The following IL1RAPL1 variants were observed in gnomAD, a reference collection of about 807,000 sequenced individuals.
IL1RAPL1 encodes the protein interleukin-1 receptor accessory protein-like 1.
Under a neutral mutation model 48.4 loss-of-function variants are expected in IL1RAPL1, and 3 were observed. The ratio of observed to expected loss-of-function variants is 0.06; its 90% confidence interval spans 0.03 to 0.16. The LOEUF (loss-of-function observed/expected upper bound fraction) is 0.16, where lower values mean the gene tolerates loss of function less well. IL1RAPL1 is among the 10% of genes least tolerant of loss of function. The pLI is 1.00. For synonymous variants in IL1RAPL1, 185 were observed against 187.7 expected, an observed-to-expected ratio of 0.99 and a Z score of 0.12; for missense variants, 349 against 530.6, an observed-to-expected ratio of 0.66 and a Z score of 3.36.
rs1350122540 is a variant in IL1RAPL1 at position 29,715,115 on chromosome X, A to C, written c.778+46611A>C. On this transcript the variant is annotated intron_variant, in intron 6 of 10. Transcript: ENST00000378993. ...TTTGTTAGAAAATTTCTTCATTGCC[A>C]GCTATTGGTACCCTGCTCAGATGTT... Among the ~76,000 whole-genome samples, 3 of 111,481 alleles carry C rather than the reference A, an allele frequency of 2.7e-5. No homozygotes were observed. In the East Asian group the frequency reaches 8.4e-4, roughly 31 times the overall value.
intron 6 of IL1RAPL1, among the ~76,000 whole-genome samples, chrX:29,849,880 C>A (rs186602929): frequency 1.4e-3 from 157 of 111,817 alleles, no homozygotes; most frequent in African/African-American, 4.7e-3. Context: ...GAAAAATAAG[C>A]AGATTGTTAA....
In IL1RAPL1 at chrX:29,279,450, G is replaced by T. The variant is rs189687961; in HGVS notation, c.83-3488G>T. ...GACTCCATCTCAAAAAAAAAAAAAA[G>T]ATTTTATTCAAATAATTTGAATATG... On this transcript the variant is annotated intron_variant, in intron 2 of 10. Coordinates refer to ENST00000378993, the MANE Select transcript of IL1RAPL1 (RefSeq NM_014271.4). Among the ~76,000 whole-genome samples the T allele has an allele frequency of 3.4e-4, 37 of 109,830 alleles. No individual in the cohort carries two copies. The East Asian group carries it at 0.01, about 30-fold the overall frequency.
chrX:28,609,661 A>C lies in IL1RAPL1; in HGVS notation c.-25+21614A>C, dbSNP rs912917422. Among the ~76,000 whole-genome samples, 3 of 107,008 alleles carry C rather than the reference A, an allele frequency of 2.8e-5. No individual in the cohort carries two copies. The Admixed American group carries it at 3.0e-4, about 11-fold the overall frequency. The allele number at this position is 107,008 out of a possible 115,157, so 92.9% of individuals were successfully genotyped here. Reference sequence around the variant, plus strand: ...CACACACACACACACACACACACACACAACATACCTACCTCTCTGATATAT... The same window carrying C: ...CACACACACACACACACACACACACCCAACATACCTACCTCTCTGATATAT... On this transcript the variant is annotated intron_variant, in intron 1 of 10. Coordinates refer to ENST00000378993, the MANE Select transcript of IL1RAPL1 (RefSeq NM_014271.4).
intron 2 of IL1RAPL1, among the ~76,000 whole-genome samples, chrX:29,216,238 G>A (rs902866712): frequency 3.6e-5 from 4 of 110,892 alleles, no homozygotes; most frequent in African/African-American, 9.8e-5. Context: ...CTCCCAGGCT[G>A]GAGTGCAGTG....
At chrX:29,425,362 A>C (rs1171168731) in intron 5 of IL1RAPL1, among the ~76,000 whole-genome samples, 1 of 111,468 alleles carries the variant, frequency 9.0e-6, no homozygotes, top group African/African-American at 3.3e-5. Flanking sequence ...GCAGGGAACA[A>C]AACAATGGAG....
At chrX:29,686,693 G>A (rs971626535) in intron 6 of IL1RAPL1, among the ~76,000 whole-genome samples, 40 of 108,988 alleles carry the variant, frequency 3.7e-4, no homozygotes, top group African/African-American at 1.3e-3. Flanking sequence ...GAGTAGCTGG[G>A]ACTACAGGCG....
chrX:29,208,708 AAATAATAAT>A (rs1199838563), intron 2 of IL1RAPL1, among the ~76,000 whole-genome samples: 33 of 100,894 alleles, frequency 3.3e-4, no homozygotes, highest in African/African-American at 8.0e-4. Context: ...AAGATTCCAA[AAATAATAAT>A]AATAATAATA....
chrX:29,319,160 G>GTCTATCTATCTA (rs200758095), intron 3 of IL1RAPL1, among the ~76,000 whole-genome samples: 1,643 of 84,959 alleles, frequency 0.019, 24 homozygotes, highest in Middle Eastern at 0.029. Flanking sequence ...CTATCTGTCT[G>GTCTATCTATCTA]TCTATCTATC....
intron 1 of IL1RAPL1, among the ~76,000 whole-genome samples, chrX:28,661,732 T>G (rs1301154523): frequency 9.0e-6 from 1 of 111,725 alleles, no homozygotes; most frequent in African/African-American, 3.2e-5. Context: ...CAATTCACAT[T>G]TGATACCCAG....
intron 1 of IL1RAPL1, among the ~76,000 whole-genome samples, chrX:28,749,336 C>T (rs915696328): frequency 9.0e-6 from 1 of 111,598 alleles, no homozygotes; most frequent in Non-Finnish European, 1.9e-5. Flanking sequence ...CATGAACCTT[C>T]ATACTGTTTT....
At chrX:29,085,903 C>A (rs1927942871) in intron 2 of IL1RAPL1, among the ~76,000 whole-genome samples, 1 of 111,877 alleles carries the variant, frequency 8.9e-6, no homozygotes, top group South Asian at 3.7e-4. Flanking sequence ...AAATATTTGG[C>A]ATTTAATTAA....
intron 6 of IL1RAPL1, among the ~76,000 whole-genome samples, chrX:29,802,983 GTGTACA>G: frequency 3.8e-5 from 2 of 52,684 alleles, no homozygotes; most frequent in African/African-American, 1.7e-4. Flanking sequence ...ATACATACAT[GTGTACA>G]TATATATGTA....
chrX:28,639,506 C>T (rs1382201073), intron 1 of IL1RAPL1, among the ~76,000 whole-genome samples: 1 of 111,886 alleles, frequency 8.9e-6, no homozygotes, highest in Non-Finnish European at 1.9e-5. Flanking sequence ...TGCTCAGTCA[C>T]ATTTGTTCCT....
intron 6 of IL1RAPL1, among the ~76,000 whole-genome samples, chrX:29,752,849 G>T (rs1243815004): frequency 8.9e-6 from 1 of 111,923 alleles, no homozygotes. Context: ...GTAAGTAAAA[G>T]AACTGAAAAT....
At chrX:29,101,096 A>G (rs1376106454) in intron 2 of IL1RAPL1, among the ~76,000 whole-genome samples, 2 of 111,941 alleles carry the variant, frequency 1.8e-5, no homozygotes, top group African/African-American at 6.5e-5. Context: ...AATAAAATTA[A>G]CAAACCTTTA....
chrX:29,519,408 G>A (rs893459702), intron 5 of IL1RAPL1, among the ~76,000 whole-genome samples: 1 of 111,874 alleles, frequency 8.9e-6, no homozygotes, highest in Non-Finnish European at 1.9e-5. Flanking sequence ...CAGAGCCCCA[G>A]GACAATCTGT....
intron 1 of IL1RAPL1, among the ~76,000 whole-genome samples, chrX:28,780,666 G>T (rs745999764): frequency 9.1e-6 from 1 of 109,698 alleles, no homozygotes; most frequent in East Asian, 2.9e-4. Context: ...ACATATTTTT[G>T]TAAAAAATAG....
At chrX:29,052,750 C>T (rs1380713064) in intron 2 of IL1RAPL1, among the ~76,000 whole-genome samples, 1 of 111,393 alleles carries the variant, frequency 9.0e-6, no homozygotes, top group African/African-American at 3.3e-5. Context: ...CAGCTCACTG[C>T]AACCGCCGCC....
At chrX:28,878,095 G>A (rs1283283301) in intron 2 of IL1RAPL1, among the ~76,000 whole-genome samples, 1 of 112,007 alleles carries the variant, frequency 8.9e-6, no homozygotes, top group African/African-American at 3.2e-5. Flanking sequence ...AGCTGGGAGA[G>A]GGACTATTGC....
Sources: gnomAD v4.1 joint callset for allele counts (sites outside exome capture counted in the v4.1 genomes callset) on GRCh38, gnomAD v4.1.1 for gene constraint, MANE v1.5 for transcripts, NCBI Gene and HGNC (gene_info 2026-07-23, HGNC 2026-07-21) for gene names.